INTS6L: variants seen among roughly 807,000 people sequenced by gnomAD.
The protein encoded by INTS6L is integrator complex subunit 6-like.
Under a neutral mutation model 64.7 loss-of-function variants are expected in INTS6L, and 18 were observed. The ratio of observed to expected loss-of-function variants is 0.28; its 90% CI spans 0.19 to 0.41. The LOEUF (loss-of-function observed/expected upper bound fraction) is 0.41, where lower values mean the gene tolerates loss of function less well. INTS6L is among the 10% of genes least tolerant of loss of function. INTS6L has a pLI of 1.00. For missense variants in INTS6L, 533 were observed against 661.0 expected, an observed-to-expected ratio of 0.81 and a Z score of 2.12; for synonymous variants, 227 against 235.9, an observed-to-expected ratio of 0.96 and a Z score of 0.34.
intron 9 of INTS6L, among the ~76,000 whole-genome samples, chrX:135,558,665 G>A (rs1399165165): frequency 8.9e-6 from 1 of 111,810 alleles, no homozygotes; most frequent in African/African-American, 3.3e-5. Context: ...AAGGTGAAAA[G>A]CCTCTAGATA....
chrX:135,568,627 G>T, intron 9 of INTS6L, among the ~76,000 whole-genome samples: 1 of 111,112 alleles, frequency 9.0e-6, no homozygotes. Context: ...ACAGCTCACT[G>T]CAGCCTCAAC....
chrX:135,575,711 G>C (rs782171777), intron 14 of INTS6L, among the ~76,000 whole-genome samples: 2 of 111,623 alleles, frequency 1.8e-5, no homozygotes, highest in South Asian at 7.6e-4. Flanking sequence ...AACGATGAAT[G>C]TGTCCCTTGA....
At chrX:135,578,204 A>G (rs2087282226) in intron 15 of INTS6L, among the ~76,000 whole-genome samples, 1 of 111,802 alleles carries the variant, frequency 8.9e-6, no homozygotes, top group South Asian at 3.7e-4. Flanking sequence ...TTGGGGCTCT[A>G]AATTTGACCT....
chrX:135,575,368 G>A (rs969496836), intron 14 of INTS6L, 142 bp downstream of exon 14: 1 of 727,164 alleles, frequency 1.4e-6, no homozygotes, highest in Non-Finnish European at 1.9e-6. Flanking sequence ...CTCTTAGTGG[G>A]AGCCTCCTGA....
intron 7 of INTS6L, among the ~76,000 whole-genome samples, chrX:135,551,757 G>A (rs2086509825): frequency 9.0e-6 from 1 of 111,370 alleles, no homozygotes; most frequent in Admixed American, 9.5e-5. Context: ...AGTTATGAGT[G>A]TTGAAATTTA....
At position 135,577,234 on chromosome X, in the gene INTS6L, A is replaced by G. The variant is rs193106977; in HGVS notation, c.1926A>G (p.Pro642=). The G allele has an allele frequency of 9.4e-5, 114 of 1,209,992 alleles. No individual in the cohort carries two copies. In the East Asian group the frequency reaches 3.1e-3, roughly 33 times the overall value. The change falls in exon 15 of 18, where the codon CCA becomes CCG. Residue 642 remains proline, a synonymous_variant. Transcript: ENST00000639893. ...IDEADEFVAG[P]QNKVKRPGEP... ...AAGCAGATGAGTTTGTAGCAGGGCCACAAAACAAAGTGAAACGTCCAGGGG... is the reference window on the plus strand; with the variant it reads ...AAGCAGATGAGTTTGTAGCAGGGCCGCAAAACAAAGTGAAACGTCCAGGGG...
At chrX:135,570,705 A>G in intron 11 of INTS6L, 159 bp downstream of exon 11, 1 of 597,092 alleles carries the variant, frequency 1.7e-6, no homozygotes, top group Non-Finnish European at 2.4e-6. Flanking sequence ...TAGCTTCACC[A>G]TTAAGCTGCA....
At chrX:135,576,739 A>G (rs2087239749) in intron 14 of INTS6L, among the ~76,000 whole-genome samples, 1 of 112,471 alleles carries the variant, frequency 8.9e-6, no homozygotes, top group African/African-American at 3.2e-5. Flanking sequence ...CATACTGTAC[A>G]GTGATAATCA....
At chrX:135,575,330 G>C in intron 14 of INTS6L, 104 bp downstream of exon 14, 1 of 996,882 alleles carries the variant, frequency 1.0e-6, no homozygotes, top group South Asian at 2.4e-5. Flanking sequence ...TCATTTGTTT[G>C]TTTAAACAAT....
chrX:135,530,182 A>G lies in INTS6L; in HGVS notation c.189+8864A>G, dbSNP rs143120714. On this transcript the variant is annotated intron_variant, in intron 2 of 17. Transcript: ENST00000639893. ...TGCTTGGCATTGTAGCAAGCACTCA[A>G]TGAATGAAAATTATTACTGCTAGTG... is the stretch of plus-strand genomic sequence containing the variant. Among the ~76,000 whole-genome samples the G allele has an allele frequency of 1.9e-3, 209 of 112,808 alleles. 3 individuals are homozygous for G. The highest frequency in any genetic ancestry group is 6.3e-3 in the African/African-American group (195 of 31,133).
intron 2 of INTS6L, among the ~76,000 whole-genome samples, chrX:135,537,721 C>T (rs2086092921): frequency 8.9e-6 from 1 of 111,919 alleles, no homozygotes. Flanking sequence ...AACTTATAAA[C>T]TAATCTAACA....
rs1556534596 is a variant in INTS6L, at chrX:135,581,592, C to T, written c.2653C>T (p.Leu885Phe). The T allele has an allele frequency of 8.3e-7, 1 of 1,210,840 alleles. No individual in the cohort carries two copies. ...ACTAGAAAAAATAAATTCCCACCAC[C>T]TTCACAACAACATTAGTCACATCAA... ...KVLEKINSHH[L>F]HNNISHINSR... The change falls in exon 18 of 18, where the codon CTT (leucine) becomes TTT (phenylalanine). Residue 885 changes from leucine to phenylalanine, a missense_variant. Transcript: ENST00000639893.
At chrX:135,571,666 T>C (rs2087094070) in intron 11 of INTS6L, 1 of 112,212 alleles carries the variant, frequency 8.9e-6, no homozygotes, top group African/African-American at 3.2e-5. Flanking sequence ...TTTTTTGTGG[T>C]TGTTGTAAAT....
chrX:135,541,619 T>C (rs189572666), intron 2 of INTS6L, among the ~76,000 whole-genome samples: 1 of 112,334 alleles, frequency 8.9e-6, no homozygotes, highest in Non-Finnish European at 1.9e-5. Context: ...TTCTTCCTTG[T>C]TTGTTAAAAT....
At chrX:135,541,714 G>A (rs1351427772) in intron 2 of INTS6L, among the ~76,000 whole-genome samples, 1 of 112,407 alleles carries the variant, frequency 8.9e-6, no homozygotes, top group Non-Finnish European at 1.9e-5. Context: ...GTAAAGTTCT[G>A]TAAGAATGTA....
rs911188678 is a variant in INTS6L at position 135,560,714 on chromosome X, C to T, written c.1192+4414C>T. On this transcript the variant is annotated intron_variant, in intron 9 of 17. Transcript: ENST00000639893. ...CAAAAATTAGCTGGGCGTGGTGGCA[C>T]GCACCTGTAGTCCCAGCTACTTGGG... Among the ~76,000 whole-genome samples, 11 of 109,281 alleles carry T rather than the reference C, an allele frequency of 1.0e-4. 1 individual carries two copies. Among genetic ancestry groups the T allele is most frequent in the African/African-American group, 3.7e-4 (11 of 30,125 alleles). 94.9% of individuals were successfully genotyped at this position (109,281 alleles called of 115,157 possible).
intron 13 of INTS6L, 65 bp downstream of exon 13, chrX:135,574,127 G>C: frequency 9.2e-7 from 1 of 1,090,608 alleles, no homozygotes; most frequent in Non-Finnish European, 1.2e-6. Flanking sequence ...TTACAGGAAG[G>C]TGTTTATTGC....
At position 135,521,179 on chromosome X, in the gene INTS6L, G is replaced by A. The variant is rs943155489; in HGVS notation, c.112-62G>A. The A allele has an allele frequency of 5.1e-6, 6 of 1,178,636 alleles. No homozygotes were observed. In the South Asian group the frequency reaches 1.1e-4, roughly 21 times the overall value. ...GTGTGGATTGAGGTGCTTCTGTAAC[G>A]TTTGTATCGCCCTCCCCCCTCCTTT... On this transcript the variant is annotated intron_variant, in intron 1 of 17. Transcript: ENST00000639893.
At chrX:135,529,179 G>A (rs1376399220) in intron 2 of INTS6L, among the ~76,000 whole-genome samples, 1 of 112,325 alleles carries the variant, frequency 8.9e-6, no homozygotes, top group African/African-American at 3.2e-5. Context: ...TACTTTCAGT[G>A]TTATTAGAAA....
Sources: allele counts gnomAD v4.1 joint callset (sites outside exome capture counted in the v4.1 genomes callset), GRCh38; gene constraint gnomAD v4.1.1; transcripts MANE v1.5; gene names NCBI Gene and HGNC (gene_info 2026-07-23, HGNC 2026-07-21).